Variants in SYT1 observed in about 807,000 individuals in gnomAD.
The protein encoded by SYT1 is synaptotagmin 1.
SYT1 carries 8 observed loss-of-function variants against 44.8 expected under a neutral mutation model. The ratio of observed to expected loss-of-function variants is 0.18; its 90% CI spans 0.10 to 0.32. The LOEUF (loss-of-function observed/expected upper bound fraction) is 0.32, where lower values mean the gene tolerates loss of function less well. Among genes scored for constraint, SYT1 ranks in the 10% least tolerant of loss-of-function variants. The pLI, the probability that SYT1 is intolerant of heterozygous loss-of-function variation, is 1.00. For synonymous variants in SYT1, 154 were observed against 188.8 expected (o/e 0.82, Z 1.51); for missense variants, 286 against 509.3 (o/e 0.56, Z 4.22).
chr12:78,926,847 G>A (rs1437755613), intron 1 of SYT1: 1 of 152,052 alleles, frequency 6.6e-6, no homozygotes, highest in African/African-American at 2.4e-5. Context: ...TTAGAGGTAA[G>A]TTACAAGTTG....
At chr12:79,435,389 G>A (rs116116011) in intron 9 of SYT1, among the ~76,000 whole-genome samples, 1,655 of 152,176 alleles carry the variant, frequency 0.011, 40 homozygotes, top group African/African-American at 0.038. Flanking sequence ...GGCAGATCTC[G>A]AACTTCTGGG....
chr12:79,106,733 A>G (rs938166442), intron 3 of SYT1, among the ~76,000 whole-genome samples: 1 of 151,940 alleles, frequency 6.6e-6, no homozygotes, highest in Non-Finnish European at 1.5e-5. Context: ...ATTCTTTGAC[A>G]TAATAGCTAA....
intron 1 of SYT1, among the ~76,000 whole-genome samples, chr12:78,894,568 A>G (rs1347728614): frequency 6.6e-6 from 1 of 151,354 alleles, no homozygotes; most frequent in African/African-American, 2.4e-5. Flanking sequence ...CTCACGATTA[A>G]ATGAAACAAT....
chr12:79,311,697 G>T (rs1364336076), intron 8 of SYT1, among the ~76,000 whole-genome samples: 11 of 141,594 alleles, frequency 7.8e-5, no homozygotes, highest in African/African-American at 2.9e-4. Flanking sequence ...CATAAAAAAT[G>T]ATGAGTTCAT....
chr12:78,988,089 C>G (rs567607730), intron 2 of SYT1, among the ~76,000 whole-genome samples: 2 of 152,026 alleles, frequency 1.3e-5, no homozygotes, highest in Non-Finnish European at 2.9e-5. Flanking sequence ...TGTCATCTCT[C>G]TCATTCAGTC....
intron 1 of SYT1, among the ~76,000 whole-genome samples, chr12:78,961,954 C>T (rs929878887): frequency 4.6e-5 from 7 of 152,110 alleles, no homozygotes; most frequent in Admixed American, 3.9e-4. Context: ...AATATTCTTA[C>T]AATTTTTTAA....
chr12:79,179,262 A>C (rs1442653028), intron 3 of SYT1, among the ~76,000 whole-genome samples: 24 of 104,924 alleles, frequency 2.3e-4, no homozygotes, highest in Admixed American at 4.3e-4. Flanking sequence ...ATAGATATAG[A>C]TATATAGATA....
intron 2 of SYT1, among the ~76,000 whole-genome samples, chr12:79,041,624 C>A (rs1873582234): frequency 6.6e-6 from 1 of 152,192 alleles, no homozygotes; most frequent in African/African-American, 2.4e-5. Context: ...ATTTCCTTCT[C>A]CTGCCTAATT....
In SYT1 at chr12:79,417,905, A is replaced by C. The variant is rs919101365; in HGVS notation, c.929-26168A>C. Among the ~76,000 whole-genome samples, 3 of 152,016 alleles carry C rather than the reference A, an allele frequency of 2.0e-5. 1 individual carries two copies. Among genetic ancestry groups the C allele is most frequent in the Admixed American group, 2.0e-4 (3 of 15,246 alleles). On this transcript the variant is annotated intron_variant, in intron 9 of 10. Coordinates refer to ENST00000261205, the MANE Select transcript of SYT1 (RefSeq NM_005639.3). The stretch of plus-strand genomic sequence containing the variant: ...AAAAGACTTTACTTCTGTGGGCCTA[A>C]GATGGGGCCCGATGTTCTGCATTTC...
At position 79,185,859 on chromosome 12, in the gene SYT1, C is replaced by T. The variant is rs188874032; in HGVS notation, c.-17-31644C>T. The stretch of plus-strand genomic sequence containing the variant: ...AATGTCCATTAGAAAATGAGAGATA[C>T]TCTCCATTTTTTAAATCTTCAACAT... On this transcript the variant is annotated intron_variant, in intron 3 of 10. Coordinates refer to ENST00000261205, the MANE Select transcript of SYT1 (RefSeq NM_005639.3). Among the ~76,000 whole-genome samples, 4 of 119,282 alleles carry T rather than the reference C, an allele frequency of 3.4e-5. No homozygotes were observed. The Admixed American group carries it at 3.7e-4, about 11-fold the overall frequency. 78.3% of individuals were successfully genotyped at this position (119,282 alleles called of 152,430 possible). A position where few individuals can be genotyped will look rare whatever the true frequency, so the allele number is the denominator to read the frequency against.
At chr12:78,901,080 G>A (rs1226613470) in intron 1 of SYT1, among the ~76,000 whole-genome samples, 1 of 151,990 alleles carries the variant, frequency 6.6e-6, no homozygotes, top group East Asian at 1.9e-4. Context: ...GTATGGATAT[G>A]TATCTCTATC....
At chr12:79,309,033 G>A (rs1293015441) in intron 8 of SYT1, among the ~76,000 whole-genome samples, 1 of 152,164 alleles carries the variant, frequency 6.6e-6, no homozygotes, top group South Asian at 2.1e-4. Context: ...AGTGAAAAAG[G>A]CCGGTGAAAC....
At chr12:79,036,676 G>A (rs1403017172) in intron 2 of SYT1, 1 of 151,704 alleles carries the variant, frequency 6.6e-6, no homozygotes, top group East Asian at 1.9e-4. Flanking sequence ...ATTACCTTTG[G>A]CATTCTCTCC....
intron 3 of SYT1, among the ~76,000 whole-genome samples, chr12:79,133,286 A>T (rs1868973057): frequency 6.6e-6 from 1 of 152,150 alleles, no homozygotes; most frequent in Non-Finnish European, 1.5e-5. Flanking sequence ...TGGGAGGCCG[A>T]GGTGGGAGAA....
At chr12:78,902,080 T>G (rs1477049664) in intron 1 of SYT1, among the ~76,000 whole-genome samples, 2 of 151,938 alleles carry the variant, frequency 1.3e-5, no homozygotes, top group Non-Finnish European at 2.9e-5. Context: ...GAGAAATACC[T>G]AATGTAGATG....
At chr12:79,331,856 A>G (rs886477655) in intron 8 of SYT1, among the ~76,000 whole-genome samples, 3 of 152,166 alleles carry the variant, frequency 2.0e-5, no homozygotes, top group African/African-American at 7.2e-5. Context: ...AAAAAATGAT[A>G]AAAGTTATCT....
At chr12:79,047,267 T>G (rs1874140534) in intron 2 of SYT1, 30 bp from the exon 3 acceptor site, 1 of 151,758 alleles carries the variant, frequency 6.6e-6, no homozygotes, top group East Asian at 1.9e-4. Context: ...TGTAGTCAAG[T>G]AACCTCTGTA....
chr12:79,116,074 C>T (rs1043569358), intron 3 of SYT1, among the ~76,000 whole-genome samples: 5 of 152,172 alleles, frequency 3.3e-5, no homozygotes, highest in African/African-American at 1.2e-4. Context: ...TTGGAATTAT[C>T]ATTTGTCTTC....
At chr12:79,276,904 CAGAAGA>C (rs1437516623) in intron 4 of SYT1, among the ~76,000 whole-genome samples, 1 of 141,210 alleles carries the variant, frequency 7.1e-6, no homozygotes, top group Non-Finnish European at 1.5e-5. Context: ...CCTAACAATC[CAGAAGA>C]AGAAGGAAAA....
Sources: allele counts gnomAD v4.1 joint callset (sites outside exome capture counted in the v4.1 genomes callset), GRCh38; gene constraint gnomAD v4.1.1; transcripts MANE v1.5; gene names NCBI Gene and HGNC (gene_info 2026-07-23, HGNC 2026-07-21).